The following FERMT1 variants were observed in gnomAD, a reference collection of about 807,000 sequenced individuals.
The protein encoded by FERMT1 is FERM domain containing kindlin 1.
FERMT1 carries 60 observed loss-of-function variants against 85.3 expected under a neutral mutation model. That is an observed-to-expected ratio of 0.70 (90% CI 0.57 to 0.87). FERMT1 has a LOEUF of 0.87. Among genes scored for constraint, FERMT1 ranks in the 40% least tolerant of loss-of-function variants. The pLI is 0.00. For synonymous variants in FERMT1, 275 were observed against 301.1 expected (o/e 0.91, Z 0.90); for missense variants, 701 against 818.9 (o/e 0.86, Z 1.76).
chr20:6,115,970 T>C lies in FERMT1; in HGVS notation c.226A>G (p.Thr76Ala), dbSNP rs973160821. Residue 76 changes from threonine (T) to alanine (A), a missense_variant, in exon 3 of 15, where the codon ACC (threonine) becomes GCC (alanine). Physicochemically the swap from Thr to Ala is moderately conservative, Grantham distance 58. Coordinates refer to ENST00000217289, the MANE Select transcript of FERMT1 (RefSeq NM_017671.5). ...KHCWLLKTHW[T>A]LDKYGVQADA... ...GCCTGGACCCCATATTTGTCCAGGG[T>C]CCAGTGGGTTTTCAGAAGCCAGCAA... The C allele has an allele frequency of 8.4e-5, 135 of 1,614,010 alleles. No individual in the cohort carries two copies. Among genetic ancestry groups the C allele is most frequent in the Non-Finnish European group, 1.1e-4 (131 of 1,180,012 alleles).
At chr20:6,118,526 T>C (rs1357579495) in intron 2 of FERMT1, among the ~76,000 whole-genome samples, 2 of 152,166 alleles carry the variant, frequency 1.3e-5, no homozygotes, top group Non-Finnish European at 2.9e-5. Context: ...TGAATTTTTC[T>C]GTATGTATAT....
At chr20:6,099,996 A>G (rs879150467) in intron 6 of FERMT1, among the ~76,000 whole-genome samples, 1 of 151,802 alleles carries the variant, frequency 6.6e-6, no homozygotes, top group Non-Finnish European at 1.5e-5. Flanking sequence ...AAAAAAAAAA[A>G]AGAGAGAGAA....
At position 6,088,622 on chromosome 20, in the gene FERMT1, A is replaced by G. The variant is rs1028695486; in HGVS notation, c.1264+343T>C. Among the ~76,000 whole-genome samples, 3 of 125,970 alleles carry G rather than the reference A, an allele frequency of 2.4e-5. No individual in the cohort carries two copies. In the East Asian group the frequency reaches 7.7e-4, roughly 32 times the overall value. The allele number at this position is 125,970 out of a possible 152,430, so 82.6% of individuals were successfully genotyped here. A position where few individuals can be genotyped will look rare whatever the true frequency, so the allele number is the denominator to read the frequency against. On this transcript the variant is annotated intron_variant, in intron 10 of 14. Transcript: ENST00000217289. ...TCGAAACCCTGACTTTAATCTGCTC[A>G]CCTCTTTTTTTTTTTTTTTTTTTGG...
At chr20:6,090,796 A>G (rs1007173067) in intron 9 of FERMT1, among the ~76,000 whole-genome samples, 3 of 152,194 alleles carry the variant, frequency 2.0e-5, no homozygotes, top group African/African-American at 7.2e-5. Flanking sequence ...TATTACATAT[A>G]ATTTATAAAA....
In FERMT1 at chr20:6,085,317, C is replaced by G. The variant is rs111757432; in HGVS notation, c.1372-30G>C. On this transcript the variant is annotated intron_variant, in intron 11 of 14. Coordinates refer to ENST00000217289, the MANE Select transcript of FERMT1 (RefSeq NM_017671.5). ...AGCAAACAGAAGGTTGAGAAGCAAG[C>G]TCAAGTGCAAAGCCCCCTGCTGCAC... The G allele has an allele frequency of 3.1e-4, 493 of 1,601,370 alleles. 4 individuals carry two copies. In the African/African-American group the frequency reaches 5.3e-3, roughly 17 times the overall value.
In FERMT1 at chr20:6,112,581, C is replaced by T. The variant is rs1017159941; in HGVS notation, c.428G>A (p.Gly143Asp). 1 of 1,600,230 alleles carries T rather than the reference C, an allele frequency of 6.2e-7. No individual in the cohort carries two copies. The highest frequency in any genetic ancestry group is 8.5e-7 in the Non-Finnish European group (1 of 1,172,336). Residue 143 changes from glycine (G) to aspartate (D), a missense_variant, in exon 4 of 15, where the codon GGT (glycine) becomes GAT (aspartate). Coordinates refer to ENST00000217289, the MANE Select transcript of FERMT1 (RefSeq NM_017671.5). ...TTTCTTCTTCTTCTTAAAATAGTCA[C>T]CAGACGGCTTTAACAAGGAAAGCTC... ...SEELSLLKPS[G>D]DYFKKKKKKD... is the part of the protein sequence containing the mutation.
intron 9 of FERMT1, among the ~76,000 whole-genome samples, chr20:6,094,711 T>C (rs1387149475): frequency 6.6e-6 from 1 of 152,172 alleles, no homozygotes; most frequent in African/African-American, 2.4e-5. Context: ...TATTCCCATT[T>C]TATAGATTGG....
intron 8 of FERMT1, among the ~76,000 whole-genome samples, chr20:6,096,261 C>G (rs910752225): frequency 6.6e-6 from 1 of 152,188 alleles, no homozygotes; most frequent in Non-Finnish European, 1.5e-5. Flanking sequence ...CACAGTGGCT[C>G]ATGCCTGTAA....
At chr20:6,099,686 G>A (rs1006297791) in intron 6 of FERMT1, among the ~76,000 whole-genome samples, 1 of 151,910 alleles carries the variant, frequency 6.6e-6, no homozygotes, top group Non-Finnish European at 1.5e-5. Context: ...CCCAACCTGG[G>A]CAATGTAGCA....
intron 13 of FERMT1, 123 bp from the exon 14 acceptor site, chr20:6,079,700 G>T: frequency 1.0e-6 from 1 of 996,544 alleles, no homozygotes; most frequent in African/African-American, 1.6e-5. Context: ...AATGGACAAT[G>T]AAGAATTAAC....
At chr20:6,122,213 T>A (rs886086848) in intron 1 of FERMT1, among the ~76,000 whole-genome samples, 5 of 152,188 alleles carry the variant, frequency 3.3e-5, no homozygotes, top group African/African-American at 1.2e-4. Flanking sequence ...TCCTTTCCTA[T>A]CTTTCTGTGC....
chr20:6,076,424 T>C lies in FERMT1; in HGVS notation c.*749A>G, dbSNP rs767059789. 1.9e-6 allele frequency: 1 copy of C among 517,836 alleles called. No homozygotes were observed. Among genetic ancestry groups the C allele is most frequent in the Non-Finnish European group, 3.9e-6 (1 of 259,528 alleles). 32.1% of individuals were successfully genotyped at this position (517,836 alleles called of 1,614,324 possible). ...TTCCTGTCCCCCTGTGTCACCCACA[T>C]CTTCACAAAGGACTTACAGGTGGCT... On this transcript the variant is annotated 3_prime_UTR_variant, in exon 15 of 15. Coordinates refer to ENST00000217289, the MANE Select transcript of FERMT1 (RefSeq NM_017671.5).
In FERMT1 at chr20:6,112,443, G is replaced by A. The variant is rs2326719; in HGVS notation, c.532+34C>T. The A allele has an allele frequency of 0.18, 294,216 of 1,600,472 alleles. 31,107 individuals carry two copies. The highest frequency in any genetic ancestry group is 0.48 in the East Asian group (21,544 of 44,672). Reference sequence around the variant, plus strand: ...ATTTCTCTCTTGAGTTTTACTGTACGTTCAAACAACAAAACACCTGTAACA... The same window carrying A: ...ATTTCTCTCTTGAGTTTTACTGTACATTCAAACAACAAAACACCTGTAACA... On this transcript the variant is annotated intron_variant, in intron 4 of 14. Transcript: ENST00000217289.
intron 6 of FERMT1, among the ~76,000 whole-genome samples, chr20:6,100,370 C>T (rs2123123894): frequency 6.6e-6 from 1 of 151,914 alleles, no homozygotes; most frequent in South Asian, 2.1e-4. Context: ...TGTGTAATTC[C>T]ACTTATAGGA....
rs2232079 is a variant in FERMT1, at chr20:6,084,084, C to T, written c.1674G>A (p.Ala558=). Residue 558 remains alanine, a synonymous_variant, in exon 13 of 15, where the codon GCG becomes GCA. Transcript: ENST00000217289. The stretch of plus-strand genomic sequence containing the variant: ...GGCCAAACTCAGGCAGTGACTGCCA[C>T]GCCTGGATGAACCGCAGCTTGGCTT... ...LVEAKLRFIQ[A]WQSLPEFGLT... The T allele has an allele frequency of 0.11, 181,240 of 1,613,008 alleles. 11,388 individuals are homozygous for T. The highest frequency in any genetic ancestry group is 0.24 in the African/African-American group (18,173 of 74,986).
At chr20:6,115,449 G>C (rs1206050752) in intron 3 of FERMT1, among the ~76,000 whole-genome samples, 1 of 152,164 alleles carries the variant, frequency 6.6e-6, no homozygotes, top group Non-Finnish European at 1.5e-5. Context: ...AAGACACATA[G>C]CTCTATGGTG....
In FERMT1 at chr20:6,082,077, C is replaced by G. The variant is rs139134059; in HGVS notation, c.1718+1963G>C. The stretch of plus-strand genomic sequence containing the variant: ...ACATCCTACACACAGCATGGCTGCT[C>G]CAGGCTTTGACTCTGACTGACCTTG... On this transcript the variant is annotated intron_variant, in intron 13 of 14. Transcript: ENST00000217289. Among the ~76,000 whole-genome samples the G allele has an allele frequency of 1.8e-3, 272 of 152,290 alleles. 2 individuals carry two copies. Among genetic ancestry groups the G allele is most frequent in the African/African-American group, 6.0e-3 (250 of 41,550 alleles).
At chr20:6,082,368 G>A (rs1982022094) in intron 13 of FERMT1, among the ~76,000 whole-genome samples, 1 of 152,164 alleles carries the variant, frequency 6.6e-6, no homozygotes, top group South Asian at 2.1e-4. Flanking sequence ...AAAAATGCCC[G>A]GGTCACAGAG....
chr20:6,092,337 G>A (rs1982392799), intron 9 of FERMT1, among the ~76,000 whole-genome samples: 1 of 152,184 alleles, frequency 6.6e-6, no homozygotes, highest in African/African-American at 2.4e-5. Context: ...GAGTCCAGGA[G>A]TTTGAGACCA....
Sources: allele counts gnomAD v4.1 joint callset (sites outside exome capture counted in the v4.1 genomes callset), GRCh38; gene constraint gnomAD v4.1.1; transcripts MANE v1.5; gene names NCBI Gene and HGNC (gene_info 2026-07-23, HGNC 2026-07-21).